The following RBMS3 variants were observed in gnomAD, a reference collection of about 807,000 sequenced individuals.
RBMS3 encodes the protein RNA binding motif single stranded interacting protein 3, also known as RNA-binding motif, single-stranded-interacting protein 3.
In RBMS3, 27 loss-of-function variants were observed where a neutral mutation model predicts 66.8. That is an observed-to-expected ratio of 0.40 (90% confidence interval 0.30 to 0.56). RBMS3 has a LOEUF of 0.56. Ranked by LOEUF, RBMS3 falls within the 20% of genes least tolerant of loss-of-function variation. The probability of loss-of-function intolerance (pLI) is 0.40; values close to 1 mark genes in which losing one functional copy is unlikely to be tolerated. For missense variants in RBMS3, 513 were observed against 549.5 expected, an observed-to-expected ratio of 0.93 and a Z score of 0.66; for synonymous variants, 188 against 183.0, an observed-to-expected ratio of 1.03 and a Z score of -0.22.
chr3:29,925,469 G>T (rs540456657), intron 10 of RBMS3, among the ~76,000 whole-genome samples: 1 of 152,254 alleles, frequency 6.6e-6, no homozygotes, highest in African/African-American at 2.4e-5. Context: ...TATGGGTAAA[G>T]GCAGAAATCG....
chr3:29,719,436 T>C (rs892335727), intron 4 of RBMS3, among the ~76,000 whole-genome samples: 4 of 152,154 alleles, frequency 2.6e-5, no homozygotes, highest in Non-Finnish European at 4.4e-5. Flanking sequence ...AAAGAGAATC[T>C]GCTTTTTGTC....
intron 3 of RBMS3, among the ~76,000 whole-genome samples, chr3:29,550,554 A>C (rs2046147392): frequency 6.6e-6 from 1 of 152,160 alleles, no homozygotes; most frequent in Admixed American, 6.5e-5. Flanking sequence ...TATAATATTT[A>C]TAATGTAACA....
chr3:29,315,135 G>T (rs1009529115), intron 1 of RBMS3, among the ~76,000 whole-genome samples: 4 of 151,652 alleles, frequency 2.6e-5, no homozygotes, highest in Non-Finnish European at 2.9e-5. Context: ...AAACAATCTA[G>T]CATTATTTAT....
intron 3 of RBMS3, among the ~76,000 whole-genome samples, chr3:29,567,116 T>C (rs1254884412): frequency 6.6e-6 from 1 of 152,160 alleles, no homozygotes; most frequent in Non-Finnish European, 1.5e-5. Context: ...TATTTCTTCA[T>C]TGGGTTTGCA....
At chr3:29,481,524 G>A (rs1388759581) in intron 2 of RBMS3, among the ~76,000 whole-genome samples, 1 of 152,142 alleles carries the variant, frequency 6.6e-6, no homozygotes, top group Non-Finnish European at 1.5e-5. Context: ...ATAGAAAACA[G>A]GGTTGAATAG....
chr3:29,529,725 T>G (rs1299019814), intron 3 of RBMS3, among the ~76,000 whole-genome samples: 1 of 152,180 alleles, frequency 6.6e-6, no homozygotes, highest in African/African-American at 2.4e-5. Context: ...TCCCTAATTG[T>G]GCTTTATCTA....
intron 1 of RBMS3, among the ~76,000 whole-genome samples, chr3:29,294,546 G>A (rs1321442335): frequency 6.6e-6 from 1 of 151,818 alleles, no homozygotes. Flanking sequence ...GACAAACTAA[G>A]TAGCTAGGAT....
intron 5 of RBMS3, among the ~76,000 whole-genome samples, chr3:29,760,166 A>G (rs1576722160): frequency 6.6e-6 from 1 of 151,924 alleles, no homozygotes; most frequent in Non-Finnish European, 1.5e-5. Context: ...ACAGAACAAA[A>G]ATATTTTAAG....
intron 2 of RBMS3, among the ~76,000 whole-genome samples, chr3:29,465,265 T>G (rs2042499110): frequency 6.6e-6 from 1 of 152,160 alleles, no homozygotes; most frequent in South Asian, 2.1e-4. Flanking sequence ...TAAATGTTAG[T>G]GAATGGATTT....
intron 3 of RBMS3, among the ~76,000 whole-genome samples, chr3:29,534,155 A>C (rs1452517595): frequency 6.6e-6 from 1 of 152,232 alleles, no homozygotes; most frequent in East Asian, 1.9e-4. Flanking sequence ...TAGATGCAGC[A>C]ATGTTTCTGA....
At chr3:29,297,447 C>T (rs2033352255) in intron 1 of RBMS3, among the ~76,000 whole-genome samples, 1 of 151,804 alleles carries the variant, frequency 6.6e-6, no homozygotes, top group Non-Finnish European at 1.5e-5. Flanking sequence ...CTTAAGATGG[C>T]TCCGATCAAT....
chr3:29,755,276 A>C (rs1253845926), intron 5 of RBMS3, among the ~76,000 whole-genome samples: 2 of 152,202 alleles, frequency 1.3e-5, no homozygotes, highest in South Asian at 4.1e-4. Context: ...GAGTGTCCCT[A>C]CTGGGGATAA....
At chr3:29,547,907 G>C (rs1371246993) in intron 3 of RBMS3, among the ~76,000 whole-genome samples, 2 of 142,820 alleles carry the variant, frequency 1.4e-5, no homozygotes, top group Non-Finnish European at 3.0e-5. Context: ...GTCTTCTCAT[G>C]TCTCAGCCTC....
chr3:29,731,783 A>G (rs1042195780), intron 4 of RBMS3, among the ~76,000 whole-genome samples: 4 of 152,130 alleles, frequency 2.6e-5, no homozygotes, highest in African/African-American at 9.7e-5. Flanking sequence ...GGTTCTTCAG[A>G]GAAACAGAAC....
intron 10 of RBMS3, among the ~76,000 whole-genome samples, chr3:29,918,803 TTTTA>T (rs1391724670): frequency 6.6e-6 from 1 of 152,132 alleles, no homozygotes. Flanking sequence ...TATACAACAT[TTTTA>T]TTTAATTTTT....
chr3:29,720,703 TGTGTGTGTGTGTGA>T (rs1360020065), intron 4 of RBMS3, among the ~76,000 whole-genome samples: 1 of 151,268 alleles, frequency 6.6e-6, no homozygotes, highest in African/African-American at 2.4e-5. Context: ...AATCTGTGTG[TGTGTGTGTGTGTGA>T]GTGTGTGTGT....
At chr3:29,302,161 C>T (rs1490226426) in intron 1 of RBMS3, among the ~76,000 whole-genome samples, 2 of 151,894 alleles carry the variant, frequency 1.3e-5, no homozygotes, top group Non-Finnish European at 2.9e-5. Context: ...AGGTGCATGC[C>T]ACCACATTCA....
chr3:29,711,315 G>T lies in RBMS3; in HGVS notation c.400-28405G>T, dbSNP rs2053158336. Among the ~76,000 whole-genome samples, 3 of 152,166 alleles carry T rather than the reference G, an allele frequency of 2.0e-5. No homozygotes were observed. The South Asian group carries it at 6.2e-4, about 32-fold the overall frequency. ...TAGCGTAGTAAAGGAAATGGACATT[G>T]TGTCCACTTTCATGTTGTTCCTTAG... On this transcript the variant is annotated intron_variant, in intron 4 of 14. Transcript: ENST00000383767.
chr3:29,956,143 A>C (rs1696027803), intron 12 of RBMS3, among the ~76,000 whole-genome samples: 2 of 152,194 alleles, frequency 1.3e-5, no homozygotes, highest in African/African-American at 4.8e-5. Flanking sequence ...TTTCCCAACT[A>C]GTTTTCTTTC....
Sources: allele counts gnomAD v4.1 joint callset (sites outside exome capture counted in the v4.1 genomes callset), GRCh38; gene constraint gnomAD v4.1.1; transcripts MANE v1.5; gene names NCBI Gene and HGNC (gene_info 2026-07-23, HGNC 2026-07-21).